The following COL22A1 variants were observed in gnomAD, a reference collection of about 807,000 sequenced individuals.
The protein encoded by COL22A1 is collagen type XXII alpha 1 chain.
Under a neutral mutation model 248.9 loss-of-function variants are expected in COL22A1, and 221 were observed. The ratio of observed to expected loss-of-function variants is 0.89; its 90% confidence interval spans 0.80 to 0.99. The LOEUF is 0.99. COL22A1 is among the 50% of genes least tolerant of loss of function. The pLI is 0.00. For missense variants in COL22A1, 2,240 were observed against 2,179.0 expected, an observed-to-expected ratio of 1.03 and a Z score of -0.56; for synonymous variants, 891 against 793.4, an observed-to-expected ratio of 1.12 and a Z score of -2.07.
chr8:138,644,048 C>G (rs1344010271), intron 47 of COL22A1, among the ~76,000 whole-genome samples: 1 of 152,158 alleles, frequency 6.6e-6, no homozygotes, highest in African/African-American at 2.4e-5. Context: ...TCCCAAAGTG[C>G]TGGGATTACA....
In COL22A1 at chr8:138,716,836, G is replaced by A; in HGVS notation, c.2389C>T (p.Pro797Ser). Residue 797 changes from proline to serine, a missense_variant, in exon 28 of 65, where the codon CCT becomes TCT. By Grantham distance (74) the Pro-to-Ser change is moderately conservative (BLOSUM62 -1). Coordinates refer to ENST00000303045, the MANE Select transcript of COL22A1 (RefSeq NM_152888.3). ...EIGEQGLAGR[P>S]GEKGEAGLPG... The stretch of plus-strand genomic sequence containing the variant: ...ACAAACAAACAGACCTTCTCTCCAG[G>A]TCGGCCTGCCAGGCCCTGCTCCCCA... The A allele has an allele frequency of 6.2e-7, 1 of 1,610,870 alleles. No individual in the cohort carries two copies. Among genetic ancestry groups the A allele is most frequent in the Non-Finnish European group, 8.5e-7 (1 of 1,177,128 alleles).
At chr8:138,685,166 C>A in intron 38 of COL22A1, 42 bp downstream of exon 38, 2 of 1,314,634 alleles carry the variant, frequency 1.5e-6, no homozygotes, top group Non-Finnish European at 2.2e-6. Flanking sequence ...CTAATTTTCA[C>A]CTGGTTTCTA....
At chr8:138,835,216 G>C (rs1255480613) in intron 4 of COL22A1, among the ~76,000 whole-genome samples, 2 of 152,168 alleles carry the variant, frequency 1.3e-5, no homozygotes, top group Admixed American at 6.5e-5. Context: ...AAATGACTAA[G>C]AGCTGCCATT....
chr8:138,716,279 C>T lies in COL22A1; in HGVS notation c.2411G>A (p.Gly804Asp). 1.3e-6 allele frequency: 2 copies of T among 1,588,084 alleles called. No individual in the cohort carries two copies. Among genetic ancestry groups the T allele is most frequent in the Non-Finnish European group, 1.7e-6 (2 of 1,165,174 alleles). ...AGRPGEKGEA[G>D]LPGAPGFPGV... is the part of the protein sequence containing the mutation. The stretch of plus-strand genomic sequence containing the variant: ...TGGGAAGCCTGGAGCCCCTGGGAGG[C>T]CTGCTTCTCCCTGTGAGAACAAAAT... The change falls in exon 29 of 65, where the codon GGC becomes GAC. Residue 804 changes from glycine (G) to aspartate (D), a missense_variant. Transcript: ENST00000303045.
chr8:138,597,054 G>T, intron 61 of COL22A1, 84 bp from the exon 62 acceptor site: 3 of 1,127,872 alleles, frequency 2.7e-6, no homozygotes, highest in African/African-American at 3.1e-5. Context: ...AAACCAGGAA[G>T]TTCGTAGGTG....
At chr8:138,704,393 C>T (rs1828232583) in intron 30 of COL22A1, among the ~76,000 whole-genome samples, 1 of 152,334 alleles carries the variant, frequency 6.6e-6, no homozygotes, top group East Asian at 1.9e-4. Flanking sequence ...CCAACTGAAA[C>T]CTCATACAGC....
chr8:138,663,673 A>G (rs903734989), intron 42 of COL22A1, 32 bp downstream of exon 42: 2 of 1,542,940 alleles, frequency 1.3e-6, no homozygotes, highest in Admixed American at 3.3e-5. Flanking sequence ...CCTCCCATAG[A>G]AACTCATCCC....
At chr8:138,851,298 T>G (rs2131902235) in intron 3 of COL22A1, among the ~76,000 whole-genome samples, 1 of 152,190 alleles carries the variant, frequency 6.6e-6, no homozygotes, top group East Asian at 1.9e-4. Context: ...AGGCTTCGCT[T>G]ATCATGAGGG....
chr8:138,877,107 T>A (rs1586943420), intron 3 of COL22A1, among the ~76,000 whole-genome samples: 1 of 151,684 alleles, frequency 6.6e-6, no homozygotes, highest in Non-Finnish European at 1.5e-5. Flanking sequence ...GCCCTCTGCC[T>A]CCCCTCCCCC....
chr8:138,623,262 ATGTGTGTG>A (rs5895542), intron 52 of COL22A1, among the ~76,000 whole-genome samples: 16,692 of 143,406 alleles, frequency 0.12, 956 homozygotes, highest in South Asian at 0.17. Flanking sequence ...ATATATATTT[ATGTGTGTG>A]TGTGTGTGTG....
intron 61 of COL22A1, among the ~76,000 whole-genome samples, chr8:138,597,652 T>C (rs1016726443): frequency 6.6e-6 from 1 of 152,246 alleles, no homozygotes; most frequent in African/African-American, 2.4e-5. Context: ...TCCAGGGCAC[T>C]GTCTACCCCT....
At position 138,883,252 on chromosome 8, in the gene COL22A1, G is replaced by A; in HGVS notation, c.-72-8C>T. The A allele has an allele frequency of 7.3e-7, 1 of 1,373,150 alleles. No individual in the cohort carries two copies. Among genetic ancestry groups the A allele is most frequent in the Non-Finnish European group, 1.0e-6 (1 of 997,602 alleles). 85.1% of individuals were successfully genotyped at this position (1,373,150 alleles called of 1,614,324 possible). A position where few individuals can be genotyped will look rare whatever the true frequency, so the allele number is the denominator to read the frequency against. ...GGTCTACAGCAGCATGGCCTGTGTG[G>A]AGAAAGACACCCTTAGAGAAGGCTC... On this transcript the variant is annotated splice_polypyrimidine_tract_variant and splice_region_variant and intron_variant, in intron 1 of 64. Transcript: ENST00000303045.
At chr8:138,729,949 G>A (rs1163527843) in intron 23 of COL22A1, among the ~76,000 whole-genome samples, 4 of 152,212 alleles carry the variant, frequency 2.6e-5, no homozygotes, top group African/African-American at 9.6e-5. Flanking sequence ...GCCAGCTGTG[G>A]GGAGGGCTGG....
chr8:138,596,943 GCAGGGTTTC>G lies in COL22A1; in HGVS notation c.4384_4392del (p.Glu1462_Leu1464del). ...CCCAGCTCTTCTTGAATAAGCCGAC[GCAGGGTTTC>G]CATGGATGGAGACTCCCCCTAGGAG... On this transcript the variant is annotated inframe_deletion, in exon 62 of 65. Coordinates refer to ENST00000303045, the MANE Select transcript of COL22A1 (RefSeq NM_152888.3). 6.2e-7 allele frequency: 1 copy of G among 1,613,994 alleles called. No individual in the cohort carries two copies. Among genetic ancestry groups the G allele is most frequent in the Non-Finnish European group, 8.5e-7 (1 of 1,179,930 alleles).
intron 12 of COL22A1, among the ~76,000 whole-genome samples, chr8:138,788,158 G>A (rs1815708094): frequency 6.6e-6 from 1 of 152,110 alleles, no homozygotes; most frequent in South Asian, 2.1e-4. Context: ...TGCGTTAGAA[G>A]GGCAACTTCT....
intron 22 of COL22A1, among the ~76,000 whole-genome samples, chr8:138,739,174 G>T (rs949286972): frequency 6.6e-6 from 1 of 152,180 alleles, no homozygotes; most frequent in East Asian, 1.9e-4. Context: ...ACATAGAGCA[G>T]AACTTTAATG....
intron 30 of COL22A1, among the ~76,000 whole-genome samples, chr8:138,703,959 G>A (rs776389985): frequency 5.9e-5 from 9 of 152,172 alleles, no homozygotes; most frequent in African/African-American, 1.2e-4. Context: ...CTTAGCAAAC[G>A]GCACACCAGA....
chr8:138,711,659 G>A (rs1229318931), intron 30 of COL22A1, among the ~76,000 whole-genome samples: 1 of 152,188 alleles, frequency 6.6e-6, no homozygotes, highest in Non-Finnish European at 1.5e-5. Context: ...AAAGTCCTCA[G>A]CCTCCAGCCC....
intron 25 of COL22A1, among the ~76,000 whole-genome samples, chr8:138,723,511 C>T (rs1024178623): frequency 2.0e-5 from 3 of 152,150 alleles, no homozygotes; most frequent in African/African-American, 2.4e-5. Context: ...TCCTCTAACA[C>T]GCTCCCCTCC....
Sources: gnomAD v4.1 joint callset for allele counts (sites outside exome capture counted in the v4.1 genomes callset) on GRCh38, gnomAD v4.1.1 for gene constraint, MANE v1.5 for transcripts, NCBI Gene and HGNC (gene_info 2026-07-23, HGNC 2026-07-21) for gene names.